Variants in CELA3B observed in about 807,000 individuals in gnomAD.
CELA3B encodes chymotrypsin like elastase 3B, also known as chymotrypsin-like elastase family member 3B.
A neutral mutation model predicts 37.2 loss-of-function variants in CELA3B; 34 were observed. The observed-to-expected ratio is 0.91, with a 90% CI of 0.70 to 1.22. CELA3B has a LOEUF of 1.22. Ranked by LOEUF, CELA3B falls within the 50% of genes most tolerant of loss-of-function variation. CELA3B has a pLI of 0.00. For missense variants in CELA3B, 340 were observed against 363.1 expected (o/e 0.94, Z 0.52); for synonymous variants, 127 against 143.5 (o/e 0.89, Z 0.82).
downstream of CELA3B, among the ~76,000 whole-genome samples, chr1:21,991,599 G>T (rs1480223005): frequency 2.6e-5 from 4 of 151,082 alleles, no homozygotes; most frequent in Admixed American, 1.3e-4. Flanking sequence ...GCCTCCCAAA[G>T]TGCTGGGATT....
intron 6 of CELA3B, among the ~76,000 whole-genome samples, chr1:21,986,273 G>T (rs1644837985): frequency 6.6e-6 from 1 of 151,980 alleles, no homozygotes; most frequent in Non-Finnish European, 1.5e-5. Flanking sequence ...GGAGGCTGAA[G>T]CAGGAGAAAC....
At chr1:21,994,821 G>A (rs1366431985) in intron 4 of CELA3B, among the ~76,000 whole-genome samples, 12 of 150,282 alleles carry the variant, frequency 8.0e-5, no homozygotes, top group South Asian at 4.2e-4. Flanking sequence ...GCAACATGGC[G>A]AAACCTTCTC....
intron 1 of CELA3B, 74 bp from the exon 2 acceptor site, chr1:21,978,295 T>C: frequency 6.4e-7 from 1 of 1,564,234 alleles, no homozygotes; most frequent in Non-Finnish European, 8.8e-7. Context: ...AGGCACGGCT[T>C]GGACTGGGAC....
intron 6 of CELA3B, among the ~76,000 whole-genome samples, chr1:21,984,962 T>A (rs1382322669): frequency 2.6e-5 from 4 of 151,584 alleles, no homozygotes; most frequent in Admixed American, 2.6e-4. Flanking sequence ...AAAATAATAA[T>A]AAAGTTATAA....
At position 21,983,634 on chromosome 1, in the gene CELA3B, G is replaced by A. The variant is rs4468136; in HGVS notation, c.363-60G>A. The A allele has an allele frequency of 5.6e-3, 8,836 of 1,588,646 alleles. 297 individuals are homozygous for A. The African/African-American group carries it at 0.085, about 15-fold the overall frequency. On this transcript the variant is annotated intron_variant, in intron 4 of 7. Transcript: ENST00000337107. ...GGCGGAATAGCCTGGAGCAACGGCTGGAAGGTAGGACTTGGGCCGGCTGGA... is the reference window on the plus strand; with the variant it reads ...GGCGGAATAGCCTGGAGCAACGGCTAGAAGGTAGGACTTGGGCCGGCTGGA...
Position 21,987,279 on chromosome 1 carries a change from C to T in CELA3B, c.795+596C>T, listed in dbSNP as rs566091273. Among the ~76,000 whole-genome samples, 46 of 151,476 alleles carry T rather than the reference C, an allele frequency of 3.0e-4. 5 individuals carry two copies. The highest frequency in any genetic ancestry group is 1.1e-3 in the African/African-American group (46 of 41,068). ...ACCAGCCTGGCCAAGATGGTGAAAC[C>T]CTGTCTCTACTAAAAATACAAAAAT... On this transcript the variant is annotated intron_variant, in intron 7 of 7. Transcript: ENST00000337107.
intron 7 of CELA3B, among the ~76,000 whole-genome samples, chr1:21,988,234 AC>A (rs1644850630): frequency 2.2e-5 from 3 of 138,670 alleles, no homozygotes; most frequent in African/African-American, 9.1e-5. Context: ...AAACAAACAA[AC>A]AAAAAAACAG....
intron 4 of CELA3B, among the ~76,000 whole-genome samples, chr1:21,983,186 C>T (rs1277701562): frequency 2.0e-5 from 3 of 152,010 alleles, no homozygotes; most frequent in African/African-American, 7.2e-5. Flanking sequence ...CCCGTCTCTA[C>T]TAAAAATAAT....
At chr1:21,981,696 C>T (rs1485941372) in intron 4 of CELA3B, among the ~76,000 whole-genome samples, 1 of 151,120 alleles carries the variant, frequency 6.6e-6, no homozygotes, top group African/African-American at 2.4e-5. Flanking sequence ...GCCAAGGAGA[C>T]AATCTTATGC....
intron 2 of CELA3B, 94 bp from the exon 3 acceptor site, chr1:21,980,730 C>A (rs113151642): frequency 0.02 from 17,394 of 883,658 alleles, 1,243 homozygotes; most frequent in African/African-American, 0.18. Context: ...ATGGCGCCCT[C>A]TAGAGTTGCA....
chr1:21,980,978 A>T, intron 3 of CELA3B, 57 bp downstream of exon 3: 1 of 1,613,986 alleles, frequency 6.2e-7, no homozygotes, highest in Non-Finnish European at 8.5e-7. Context: ...AGGGTGGGTG[A>T]TGATGGGGAA....
chr1:21,992,047 GA>G (rs1644871134), downstream of CELA3B, among the ~76,000 whole-genome samples: 1 of 151,160 alleles, frequency 6.6e-6, no homozygotes, highest in East Asian at 2.0e-4. Flanking sequence ...TTGAAACTGG[GA>G]GGCAGATGTT....
chr1:21,983,104 C>T (rs1353565867), intron 4 of CELA3B, among the ~76,000 whole-genome samples: 2 of 152,194 alleles, frequency 1.3e-5, no homozygotes, highest in Non-Finnish European at 2.9e-5. Flanking sequence ...AATCCCAGCA[C>T]TTTGGGAGGC....
intron 4 of CELA3B, among the ~76,000 whole-genome samples, chr1:21,981,477 G>T (rs1298284470): frequency 7.9e-5 from 12 of 151,846 alleles, no homozygotes; most frequent in South Asian, 4.2e-4. Flanking sequence ...TTCCCCCAAA[G>T]CCGAGGGTTT....
intron 4 of CELA3B, among the ~76,000 whole-genome samples, chr1:21,996,896 G>A (rs1367021192): frequency 6.6e-6 from 1 of 151,206 alleles, no homozygotes; most frequent in African/African-American, 2.4e-5. Flanking sequence ...CCCCATCCCT[G>A]ACACTGCTGA....
chr1:21,988,719 G>A (rs1019476037), intron 7 of CELA3B, among the ~76,000 whole-genome samples: 2 of 151,482 alleles, frequency 1.3e-5, no homozygotes, highest in African/African-American at 2.4e-5. Flanking sequence ...GTGAAACCCT[G>A]TCTCTACTAA....
chr1:21,979,453 C>CTTT (rs66459906), intron 2 of CELA3B, among the ~76,000 whole-genome samples: 9 of 85,446 alleles, frequency 1.1e-4, no homozygotes, highest in African/African-American at 1.7e-4. Flanking sequence ...CTTTTCTTTT[C>CTTT]TTTTTTTTTT....
At chr1:21,981,947 G>A (rs376735378) in intron 4 of CELA3B, among the ~76,000 whole-genome samples, 2,448 of 152,070 alleles carry the variant, frequency 0.016, 72 homozygotes, top group African/African-American at 0.055. Flanking sequence ...GGATGATCTC[G>A]ATCTCCTGAC....
intron 6 of CELA3B, among the ~76,000 whole-genome samples, chr1:21,985,873 A>G (rs958398335): frequency 6.6e-6 from 1 of 151,730 alleles, no homozygotes; most frequent in Non-Finnish European, 1.5e-5. Context: ...CCTGGGCGAC[A>G]GAGCGAGACA....
Sources: gnomAD v4.1 joint callset for allele counts (sites outside exome capture counted in the v4.1 genomes callset) on GRCh38, gnomAD v4.1.1 for gene constraint, MANE v1.5 for transcripts, NCBI Gene and HGNC (gene_info 2026-07-23, HGNC 2026-07-21) for gene names.